The following LUZP2 variants were observed in gnomAD, a reference collection of about 807,000 sequenced individuals.
LUZP2 encodes leucine zipper protein 2.
A neutral mutation model predicts 51.6 loss-of-function variants in LUZP2; 52 were observed. That is an observed-to-expected ratio of 1.01 (90% CI 0.81 to 1.27). LUZP2 has a LOEUF of 1.27. Among genes scored for constraint, LUZP2 ranks in the 50% most tolerant of loss-of-function variants. LUZP2 has a pLI of 0.00. For missense variants in LUZP2, 436 were observed against 395.4 expected, an observed-to-expected ratio of 1.10 and a Z score of -0.87; for synonymous variants, 154 against 137.3, an observed-to-expected ratio of 1.12 and a Z score of -0.85.
intron 4 of LUZP2, among the ~76,000 whole-genome samples, chr11:24,753,358 C>T (rs531161225): frequency 3.3e-5 from 5 of 152,224 alleles, no homozygotes; most frequent in Non-Finnish European, 5.9e-5. Context: ...AGTGTTCATC[C>T]ATGTAGGAAC....
At chr11:24,719,819 A>C (rs575888158) in intron 1 of LUZP2, among the ~76,000 whole-genome samples, 1 of 152,332 alleles carries the variant, frequency 6.6e-6, no homozygotes, top group East Asian at 1.9e-4. Context: ...TAATTCTCTT[A>C]GATCCCTGAC....
At chr11:24,605,323 A>G (rs1240431060) in intron 1 of LUZP2, among the ~76,000 whole-genome samples, 1 of 151,816 alleles carries the variant, frequency 6.6e-6, no homozygotes, top group Non-Finnish European at 1.5e-5. Context: ...TACAAATAAA[A>G]GAATGATAAA....
intron 1 of LUZP2, among the ~76,000 whole-genome samples, chr11:24,516,613 T>C (rs922983987): frequency 6.6e-6 from 1 of 152,166 alleles, no homozygotes; most frequent in Non-Finnish European, 1.5e-5. Flanking sequence ...TAACATTCCA[T>C]CTTAAGACAA....
At position 24,897,090 on chromosome 11, in the gene LUZP2, T is replaced by C. The variant is rs1248196753; in HGVS notation, c.397-8901T>C. On this transcript the variant is annotated intron_variant, in intron 5 of 11. Coordinates refer to ENST00000336930, the MANE Select transcript of LUZP2 (RefSeq NM_001009909.4). ...AGTGCTCTGTGTCTAGTTAACCTAG[T>C]GGGGACTTGGAGAACTTTTACCTCT... 5.3e-5 allele frequency among the ~76,000 whole-genome samples: 8 copies of C among 152,146 alleles called. No homozygotes were observed. In the East Asian group the frequency reaches 1.4e-3, roughly 26 times the overall value.
intron 7 of LUZP2, among the ~76,000 whole-genome samples, chr11:24,969,830 T>C (rs1032920089): frequency 6.6e-6 from 1 of 152,088 alleles, no homozygotes; most frequent in Admixed American, 6.6e-5. Context: ...AGAGTGGAGT[T>C]ATTACTCACA....
intron 7 of LUZP2, among the ~76,000 whole-genome samples, chr11:24,946,848 GT>G (rs1854914955): frequency 6.6e-6 from 1 of 151,716 alleles, no homozygotes; most frequent in Non-Finnish European, 1.5e-5. Flanking sequence ...TGTCTTCTGT[GT>G]GCTATTATTG....
intron 1 of LUZP2, among the ~76,000 whole-genome samples, chr11:24,587,316 G>A (rs1223310890): frequency 6.6e-6 from 1 of 152,152 alleles, no homozygotes; most frequent in Non-Finnish European, 1.5e-5. Flanking sequence ...GGAGAATACA[G>A]TGATGGTTTC....
At chr11:24,847,102 A>G (rs1010499187) in intron 5 of LUZP2, among the ~76,000 whole-genome samples, 4 of 151,892 alleles carry the variant, frequency 2.6e-5, no homozygotes, top group Non-Finnish European at 4.4e-5. Flanking sequence ...AAAACACATT[A>G]CAGGTATAAT....
chr11:25,078,833 C>G lies in LUZP2; in HGVS notation c.*175C>G, dbSNP rs913798716. On this transcript the variant is annotated 3_prime_UTR_variant, in exon 12 of 12. Coordinates refer to ENST00000336930, the MANE Select transcript of LUZP2 (RefSeq NM_001009909.4). ...TTCCAGACCAATTATGATCCTTAAG[C>G]AATAACCTCATTGAATTGAATACCC... 1.8e-6 allele frequency: 1 copy of G among 549,954 alleles called. No individual in the cohort carries two copies. Among genetic ancestry groups the G allele is most frequent in the Admixed American group, 3.7e-5 (1 of 27,276 alleles). 34.1% of individuals were successfully genotyped at this position (549,954 alleles called of 1,614,324 possible). A position where few individuals can be genotyped will look rare whatever the true frequency, so the allele number is the denominator to read the frequency against.
At chr11:24,617,318 T>G (rs1854322453) in intron 1 of LUZP2, among the ~76,000 whole-genome samples, 1 of 152,212 alleles carries the variant, frequency 6.6e-6, no homozygotes. Flanking sequence ...AATTTTGCCT[T>G]ATTTTTCACC....
At chr11:24,826,515 CT>C (rs201166299) in intron 5 of LUZP2, among the ~76,000 whole-genome samples, 8,635 of 140,378 alleles carry the variant, frequency 0.062, 498 homozygotes, top group African/African-American at 0.16. Flanking sequence ...GAGTATTAAA[CT>C]TTTTTTTTTT....
intron 5 of LUZP2, among the ~76,000 whole-genome samples, chr11:24,890,619 A>T (rs1043700117): frequency 3.3e-5 from 5 of 152,154 alleles, no homozygotes; most frequent in Non-Finnish European, 7.4e-5. Context: ...GTTCTCATAC[A>T]TGAATTCCTA....
intron 5 of LUZP2, among the ~76,000 whole-genome samples, chr11:24,840,182 A>G (rs1478980757): frequency 6.6e-6 from 1 of 151,700 alleles, no homozygotes; most frequent in African/African-American, 2.4e-5. Flanking sequence ...ATTATTTTAA[A>G]CTCAATTAAT....
chr11:24,580,180 C>T (rs1396842), intron 1 of LUZP2, among the ~76,000 whole-genome samples: 57,841 of 151,818 alleles, frequency 0.38, 11,206 homozygotes, highest in Middle Eastern at 0.51. Flanking sequence ...GATGTTTAGG[C>T]GCACATCTGC....
chr11:24,689,450 G>C (rs1857001054), intron 1 of LUZP2, among the ~76,000 whole-genome samples: 1 of 152,146 alleles, frequency 6.6e-6, no homozygotes, highest in South Asian at 2.1e-4. Flanking sequence ...TGCTCACCCA[G>C]CTCCTGAGTG....
intron 1 of LUZP2, among the ~76,000 whole-genome samples, chr11:24,609,491 T>A (rs1854043956): frequency 6.6e-6 from 1 of 151,978 alleles, no homozygotes; most frequent in African/African-American, 2.4e-5. Context: ...TTTGGGAGGC[T>A]GAGGCAGATG....
At chr11:24,668,216 A>G (rs577955244) in intron 1 of LUZP2, among the ~76,000 whole-genome samples, 208 of 152,308 alleles carry the variant, frequency 1.4e-3, no homozygotes, top group African/African-American at 4.7e-3. Context: ...ACATGCTGGT[A>G]CTTATCTGGA....
At chr11:25,072,888 C>T (rs1302833877) in intron 10 of LUZP2, among the ~76,000 whole-genome samples, 1 of 152,004 alleles carries the variant, frequency 6.6e-6, no homozygotes, top group African/African-American at 2.4e-5. Flanking sequence ...CTTTCCAAAG[C>T]AAAACATGAA....
intron 1 of LUZP2, among the ~76,000 whole-genome samples, chr11:24,634,007 G>C (rs938140616): frequency 1.3e-5 from 2 of 151,124 alleles, no homozygotes; most frequent in Admixed American, 1.3e-4. Context: ...GTCTAAACCT[G>C]TTTAACTATT....
Sources: gnomAD v4.1 joint callset for allele counts (sites outside exome capture counted in the v4.1 genomes callset) on GRCh38, gnomAD v4.1.1 for gene constraint, MANE v1.5 for transcripts, NCBI Gene and HGNC (gene_info 2026-07-23, HGNC 2026-07-21) for gene names.